Variants in PAFAH1B1 observed in about 807,000 individuals in gnomAD.
The protein encoded by PAFAH1B1 is platelet-activating factor acetylhydrolase IB subunit beta.
In PAFAH1B1, 2 loss-of-function variants were observed where a neutral mutation model predicts 57.5. The ratio of observed to expected loss-of-function variants is 0.03; its 90% confidence interval spans 0.01 to 0.11. The LOEUF is 0.11. Among genes scored for constraint, PAFAH1B1 ranks in the 10% least tolerant of loss-of-function variants. PAFAH1B1 has a pLI of 1.00. For synonymous variants in PAFAH1B1, 152 were observed against 169.6 expected (o/e 0.90, Z 0.81); for missense variants, 257 against 512.0 (o/e 0.50, Z 4.81).
chr17:2,666,191 A>G, intron 4 of PAFAH1B1, 101 bp downstream of exon 4: 1 of 1,085,502 alleles, frequency 9.2e-7, no homozygotes, highest in East Asian at 2.9e-5. Flanking sequence ...TCTAATCTTT[A>G]AAAAGCAAAT....
At chr17:2,603,044 T>C (rs560677555) in intron 1 of PAFAH1B1, among the ~76,000 whole-genome samples, 1 of 152,222 alleles carries the variant, frequency 6.6e-6, no homozygotes, top group African/African-American at 2.4e-5. Flanking sequence ...CTCTAATATA[T>C]ATATGCTTTC....
chr17:2,673,216 G>A (rs2069207275), intron 7 of PAFAH1B1, among the ~76,000 whole-genome samples: 1 of 152,138 alleles, frequency 6.6e-6, no homozygotes, highest in African/African-American at 2.4e-5. Context: ...ATCTGTACAT[G>A]TCTCCCAAAA....
intron 2 of PAFAH1B1, among the ~76,000 whole-genome samples, chr17:2,658,065 G>C (rs920015098): frequency 6.6e-6 from 1 of 152,194 alleles, no homozygotes; most frequent in Non-Finnish European, 1.5e-5. Flanking sequence ...GGATCTCACA[G>C]TTGTAAATTA....
intron 2 of PAFAH1B1, among the ~76,000 whole-genome samples, chr17:2,643,743 T>G (rs1174882095): frequency 1.3e-5 from 2 of 152,060 alleles, no homozygotes; most frequent in African/African-American, 4.8e-5. Flanking sequence ...GTATTTTTAG[T>G]AGAGACAGGA....
intron 1 of PAFAH1B1, among the ~76,000 whole-genome samples, chr17:2,631,703 C>T (rs1032146033): frequency 7.9e-5 from 12 of 152,138 alleles, no homozygotes; most frequent in African/African-American, 2.2e-4. Flanking sequence ...GGGTGTCTCC[C>T]GGGTCCTGCA....
rs187229415 is a variant in PAFAH1B1 at position 2,610,671 on chromosome 17, C to T, written c.-191+16665C>T. On this transcript the variant is annotated intron_variant, in intron 1 of 10. Coordinates refer to ENST00000397195, the MANE Select transcript of PAFAH1B1 (RefSeq NM_000430.4). ...AATGTCAGTGTTTTAGGAAAGCTTA[C>T]GAATTTGTGTTGGGCCACATTCAAA... Among the ~76,000 whole-genome samples the T allele has an allele frequency of 7.2e-4, 109 of 152,262 alleles. 1 individual carries two copies. The highest frequency in any genetic ancestry group is 9.9e-4 in the African/African-American group (41 of 41,552).
At chr17:2,660,225 CTTTT>C (rs1025714688) in intron 2 of PAFAH1B1, among the ~76,000 whole-genome samples, 1 of 145,284 alleles carries the variant, frequency 6.9e-6, no homozygotes, top group Admixed American at 6.9e-5. Context: ...TTCAGTGTAT[CTTTT>C]TTTTTTTTTA....
At chr17:2,665,538 A>G in intron 3 of PAFAH1B1, 82 bp downstream of exon 3, 5 of 817,574 alleles carry the variant, frequency 6.1e-6, no homozygotes, top group African/African-American at 1.7e-5. Context: ...GTTACGCACA[A>G]TTTTGTCATT....
intron 2 of PAFAH1B1, among the ~76,000 whole-genome samples, chr17:2,644,681 A>G (rs778575215): frequency 1.3e-5 from 2 of 152,240 alleles, no homozygotes; most frequent in African/African-American, 2.4e-5. Context: ...ATAATACTGT[A>G]ATACATAACC....
In PAFAH1B1 at chr17:2,684,871, C is replaced by G. The variant is rs1438164593; in HGVS notation, c.*3069C>G. 1 of 152,458 alleles carries G rather than the reference C, an allele frequency of 6.6e-6. No homozygotes were observed. The highest frequency in any genetic ancestry group is 1.5e-5 in the Non-Finnish European group (1 of 68,046). 9.4% of individuals were successfully genotyped at this position (152,458 alleles called of 1,614,324 possible). A position where few individuals can be genotyped will look rare whatever the true frequency, so the allele number is the denominator to read the frequency against. ...GCCAGTGCCCTGCTCTCCCGTTCGC[C>G]TCTTTCTGTTTCTGTGTGAACTTTC... is the stretch of plus-strand genomic sequence containing the variant. On this transcript the variant is annotated 3_prime_UTR_variant, in exon 11 of 11. Transcript: ENST00000397195.
At chr17:2,650,651 AAAAAAAAAAGG>A (rs942838023) in intron 2 of PAFAH1B1, among the ~76,000 whole-genome samples, 6 of 151,956 alleles carry the variant, frequency 3.9e-5, no homozygotes, top group African/African-American at 1.4e-4. Context: ...AAAAAAAAAA[AAAAAAAAAAGG>A]AAGTTAATTG....
At chr17:2,654,762 C>G (rs8068466) in intron 2 of PAFAH1B1, among the ~76,000 whole-genome samples, 10,718 of 152,100 alleles carry the variant, frequency 0.07, 403 homozygotes, top group African/African-American at 0.1. Flanking sequence ...TCACCTCAGC[C>G]TCCCAAGTTG....
chr17:2,627,466 A>G (rs1207446236), intron 1 of PAFAH1B1, among the ~76,000 whole-genome samples: 1 of 152,154 alleles, frequency 6.6e-6, no homozygotes, highest in Admixed American at 6.5e-5. Flanking sequence ...ATTTTTTACC[A>G]GTGCCACGCT....
intron 2 of PAFAH1B1, among the ~76,000 whole-genome samples, chr17:2,646,719 T>C (rs2068774685): frequency 6.6e-6 from 1 of 152,218 alleles, no homozygotes; most frequent in Admixed American, 6.5e-5. Context: ...AAATATGTGA[T>C]AACATTGGTT....
intron 1 of PAFAH1B1, among the ~76,000 whole-genome samples, chr17:2,618,172 T>C (rs1292901241): frequency 6.6e-6 from 1 of 151,582 alleles, no homozygotes; most frequent in East Asian, 2.0e-4. Context: ...CGCTTGAACC[T>C]GGGAGATGCG....
chr17:2,621,550 T>C (rs565037544), intron 1 of PAFAH1B1, among the ~76,000 whole-genome samples: 1 of 151,250 alleles, frequency 6.6e-6, no homozygotes, highest in African/African-American at 2.4e-5. Context: ...TGGAAAATAT[T>C]TGGATTAAGA....
At chr17:2,616,027 C>T (rs141258438) in intron 1 of PAFAH1B1, among the ~76,000 whole-genome samples, 2 of 152,222 alleles carry the variant, frequency 1.3e-5, no homozygotes, top group African/African-American at 2.4e-5. Flanking sequence ...AAAGCAACGA[C>T]GAAACAAGAA....
At chr17:2,677,948 A>G (rs553927649) in intron 9 of PAFAH1B1, among the ~76,000 whole-genome samples, 1 of 152,230 alleles carries the variant, frequency 6.6e-6, no homozygotes, top group East Asian at 1.9e-4. Context: ...CTGTTAAGAA[A>G]AGATGATATA....
chr17:2,636,691 G>T (rs150443482), intron 1 of PAFAH1B1, among the ~76,000 whole-genome samples: 2 of 151,554 alleles, frequency 1.3e-5, no homozygotes, highest in Admixed American at 6.6e-5. Flanking sequence ...AAGCCACCAC[G>T]CCTGGCCTCA....
Sources: allele counts gnomAD v4.1 joint callset (sites outside exome capture counted in the v4.1 genomes callset), GRCh38; gene constraint gnomAD v4.1.1; transcripts MANE v1.5; gene names NCBI Gene and HGNC (gene_info 2026-07-23, HGNC 2026-07-21).